The following TANK variants were observed in gnomAD, a reference collection of about 807,000 sequenced individuals.
TANK encodes TRAF family member-associated NF-kappa-B activator.
A neutral mutation model predicts 43.6 loss-of-function variants in TANK; 15 were observed. That is an observed-to-expected ratio of 0.34 (90% confidence interval 0.23 to 0.53). The LOEUF is 0.53. TANK is among the 20% of genes least tolerant of loss of function. The probability of loss-of-function intolerance (pLI) is 0.94; values close to 1 mark genes in which losing one functional copy is unlikely to be tolerated. For missense variants in TANK, 417 were observed against 498.6 expected (o/e 0.84, Z 1.56); for synonymous variants, 162 against 178.2 (o/e 0.91, Z 0.73).
At chr2:161,232,892 C>T (rs898996709) in intron 7 of TANK, 7 of 1,524,070 alleles carry the variant, frequency 4.6e-6, no homozygotes, top group Admixed American at 2.0e-5. Flanking sequence ...AGACATGGGG[C>T]ATAAGGTTAG....
In TANK at chr2:161,224,709, C is replaced by A. The variant is rs2105387164; in HGVS notation, c.483C>A (p.Asp161Glu). ...GCATGCTAGCAAAAGCACAGAAAGA[C>A]CACTTAAGCAAACTTAATATACCAG... ...KICMLAKAQK[D>E]HLSKLNIPDT... Residue 161 changes from aspartate to glutamate, a missense_variant, in exon 6 of 8, where the codon GAC becomes GAA. Physicochemically the swap from Asp to Glu is conservative, Grantham distance 45. Coordinates refer to ENST00000392749, the MANE Select transcript of TANK (RefSeq NM_001199135.3). 1.9e-6 allele frequency: 3 copies of A among 1,578,516 alleles called. No individual in the cohort carries two copies. The highest frequency in any genetic ancestry group is 1.2e-5 in the South Asian group (1 of 84,068).
intron 3 of TANK, 142 bp downstream of exon 3, chr2:161,203,737 A>C: frequency 1.8e-6 from 1 of 567,174 alleles, no homozygotes; most frequent in Non-Finnish European, 3.1e-6. Flanking sequence ...TGTTATGTTT[A>C]TTTAAATGAA....
chr2:161,220,641 T>A (rs551218918), intron 4 of TANK, among the ~76,000 whole-genome samples: 1 of 152,294 alleles, frequency 6.6e-6, no homozygotes, highest in African/African-American at 2.4e-5. Context: ...CAATTTTATT[T>A]TGCTGACTTT....
chr2:161,170,043 G>A (rs1684873198), intron 1 of TANK, among the ~76,000 whole-genome samples: 1 of 152,168 alleles, frequency 6.6e-6, no homozygotes, highest in Non-Finnish European at 1.5e-5. Context: ...AGAAGACTGA[G>A]ATTGTCCTTC....
intron 1 of TANK, among the ~76,000 whole-genome samples, chr2:161,152,797 T>A (rs1684115768): frequency 6.6e-6 from 1 of 152,202 alleles, no homozygotes; most frequent in Admixed American, 6.5e-5. Context: ...GGTCTAGATA[T>A]TGGACTTACT....
At chr2:161,161,455 G>T (rs760091339) in intron 1 of TANK, 173 of 1,548,252 alleles carry the variant, frequency 1.1e-4, no homozygotes, top group Non-Finnish European at 2.3e-5. Flanking sequence ...AAATTATTGT[G>T]TCCTCATTTG....
intron 1 of TANK, among the ~76,000 whole-genome samples, chr2:161,173,748 T>G (rs1157687428): frequency 6.6e-6 from 1 of 152,166 alleles, no homozygotes; most frequent in Admixed American, 6.5e-5. Context: ...ATGACTGTTT[T>G]TCACTTTCCC....
upstream of TANK, chr2:161,160,116 C>CCGG (rs1684337514): frequency 3.3e-6 from 1 of 299,408 alleles, no homozygotes; most frequent in Non-Finnish European, 6.1e-6. Flanking sequence ...TATTTATTTA[C>CCGG]TGGTTATTTA....
intron 2 of TANK, among the ~76,000 whole-genome samples, chr2:161,200,066 G>A (rs1686334737): frequency 6.6e-6 from 1 of 152,166 alleles, no homozygotes; most frequent in African/African-American, 2.4e-5. Flanking sequence ...TGGATGGTTA[G>A]TTGTCATGCA....
At chr2:161,204,501 A>G (rs1227321334) in intron 3 of TANK, among the ~76,000 whole-genome samples, 174 bp from the exon 4 acceptor site, 2 of 152,182 alleles carry the variant, frequency 1.3e-5, no homozygotes. Context: ...AGTGGGAAGG[A>G]AAAAATATAA....
chr2:161,224,628 TA>T lies in TANK; in HGVS notation c.405-2del. 1 of 1,393,398 alleles carries T rather than the reference TA, an allele frequency of 7.2e-7. No individual in the cohort carries two copies. Among genetic ancestry groups the T allele is most frequent in the South Asian group, 1.5e-5 (1 of 66,014 alleles). The allele number at this position is 1,393,398 out of a possible 1,614,324, so 86.3% of individuals were successfully genotyped here. ...ATTTTAAAATGTTGATTTTTTTTTT[TA>T]GGGGTAATATAGAGAAGACTTTCTG... On this transcript the variant is annotated splice_acceptor_variant, in intron 5 of 7. Transcript: ENST00000392749. LOFTEE classifies it high-confidence loss of function.
chr2:161,161,055 G>T, intron 1 of TANK: 1 of 643,492 alleles, frequency 1.6e-6, no homozygotes, highest in Non-Finnish European at 2.5e-6. Context: ...GGTGGCCAAG[G>T]CAGGAAGAAC....
intron 7 of TANK, among the ~76,000 whole-genome samples, chr2:161,234,640 T>G (rs1476425152): frequency 6.6e-6 from 1 of 152,192 alleles, no homozygotes; most frequent in African/African-American, 2.4e-5. Context: ...TATTGACGAG[T>G]TTCACTTTAT....
At chr2:161,212,750 C>T in intron 4 of TANK, 1 of 985,260 alleles carries the variant, frequency 1.0e-6, no homozygotes, top group Non-Finnish European at 1.2e-6. Flanking sequence ...GTCTATCCAG[C>T]CCTGATTTCT....
intron 4 of TANK, chr2:161,223,143 T>G (rs190839979): frequency 2.0e-4 from 31 of 152,234 alleles, no homozygotes; most frequent in African/African-American, 7.2e-4. Context: ...GGATGAATTA[T>G]AACTTATGAT....
At chr2:161,158,822 C>G (rs1283284709), upstream of TANK, among the ~76,000 whole-genome samples, 1 of 152,088 alleles carries the variant, frequency 6.6e-6, no homozygotes, top group Non-Finnish European at 1.5e-5. Context: ...AAGGACTTAT[C>G]AAAAATACAA....
At chr2:161,176,525 C>G (rs1476856249) in intron 1 of TANK, among the ~76,000 whole-genome samples, 1 of 152,158 alleles carries the variant, frequency 6.6e-6, no homozygotes, top group Non-Finnish European at 1.5e-5. Context: ...GAAGGGATGG[C>G]TCCACATGAT....
At chr2:161,167,131 A>G (rs896370964) in intron 1 of TANK, among the ~76,000 whole-genome samples, 7 of 152,210 alleles carry the variant, frequency 4.6e-5, no homozygotes, top group African/African-American at 1.7e-4. Flanking sequence ...CTGCCTCCCA[A>G]ATTACTCACA....
chr2:161,149,605 G>A (rs936348052), intron 1 of TANK, among the ~76,000 whole-genome samples: 2 of 152,150 alleles, frequency 1.3e-5, no homozygotes, highest in African/African-American at 2.4e-5. Context: ...CATTTGATAT[G>A]TTGTTACCTG....
Sources: allele counts gnomAD v4.1 joint callset (sites outside exome capture counted in the v4.1 genomes callset), GRCh38; gene constraint gnomAD v4.1.1; transcripts MANE v1.5; gene names NCBI Gene and HGNC (gene_info 2026-07-23, HGNC 2026-07-21).